The following SEMA3A variants were observed in gnomAD, a reference collection of about 807,000 sequenced individuals.
SEMA3A encodes the protein semaphorin-3A.
In SEMA3A, 29 loss-of-function variants were observed where a neutral mutation model predicts 97.9. The observed-to-expected ratio is 0.30, with a 90% CI of 0.22 to 0.40. SEMA3A has a LOEUF of 0.40. SEMA3A is among the 10% of genes least tolerant of loss of function. The probability of loss-of-function intolerance (pLI) is 1.00; values close to 1 mark genes in which losing one functional copy is unlikely to be tolerated. For synonymous variants in SEMA3A, 321 were observed against 323.7 expected (o/e 0.99, Z 0.09); for missense variants, 763 against 951.3 (o/e 0.80, Z 2.60).
At chr7:84,043,648 G>T (rs888465036) in intron 6 of SEMA3A, among the ~76,000 whole-genome samples, 1 of 151,986 alleles carries the variant, frequency 6.6e-6, no homozygotes, top group Admixed American at 6.6e-5. Flanking sequence ...ATTCTGTAAT[G>T]GTATTTAATT....
intron 1 of SEMA3A, among the ~76,000 whole-genome samples, chr7:84,488,317 T>TACACACACACACACAC (rs67659986): frequency 8.2e-5 from 12 of 145,672 alleles, no homozygotes; most frequent in African/African-American, 2.6e-4. Context: ...TCTTCGTATA[T>TACACACACACACACAC]ACACACACAC....
intron 2 of SEMA3A, among the ~76,000 whole-genome samples, chr7:84,323,481 C>T (rs1801701626): frequency 6.6e-6 from 1 of 152,016 alleles, no homozygotes; most frequent in Non-Finnish European, 1.5e-5. Context: ...AAACACTTCT[C>T]TGATGAAGAG....
chr7:84,282,602 A>G (rs1469398767), intron 3 of SEMA3A, among the ~76,000 whole-genome samples: 1 of 152,134 alleles, frequency 6.6e-6, no homozygotes, highest in East Asian at 1.9e-4. Context: ...ACGTTAAGCC[A>G]GTGATTTCTA....
intron 1 of SEMA3A, among the ~76,000 whole-genome samples, chr7:84,490,190 C>T (rs893883839): frequency 4.6e-5 from 6 of 129,112 alleles, no homozygotes; most frequent in Admixed American, 3.2e-4. Context: ...AACCACAATG[C>T]TTTTCCAGCA....
chr7:84,005,037 C>T (rs2116395963), intron 11 of SEMA3A, among the ~76,000 whole-genome samples: 1 of 152,240 alleles, frequency 6.6e-6, no homozygotes, highest in South Asian at 2.1e-4. Flanking sequence ...AATATATTTT[C>T]TCTTCCCTAT....
intron 1 of SEMA3A, among the ~76,000 whole-genome samples, chr7:84,397,134 C>T (rs1380029602): frequency 6.6e-6 from 1 of 151,720 alleles, no homozygotes; most frequent in African/African-American, 2.4e-5. Flanking sequence ...GTTGAAAATT[C>T]GGAATTTCAA....
chr7:84,276,906 A>G (rs1473269301), intron 3 of SEMA3A, among the ~76,000 whole-genome samples: 6 of 152,280 alleles, frequency 3.9e-5, no homozygotes, highest in South Asian at 2.1e-4. Flanking sequence ...CGAAACTTAA[A>G]TAGTTCAGAC....
At chr7:84,023,843 T>C (rs1295365742) in intron 6 of SEMA3A, among the ~76,000 whole-genome samples, 3 of 151,956 alleles carry the variant, frequency 2.0e-5, no homozygotes, top group Non-Finnish European at 2.9e-5. Flanking sequence ...ACCCCGTCTC[T>C]ACTAAAAAAT....
At chr7:84,303,010 CA>C (rs1801060228) in intron 3 of SEMA3A, among the ~76,000 whole-genome samples, 2 of 152,050 alleles carry the variant, frequency 1.3e-5, no homozygotes, top group African/African-American at 4.8e-5. Context: ...AATTAGCCAG[CA>C]AAATAAATAG....
chr7:84,103,484 A>G (rs1795016187), intron 4 of SEMA3A, among the ~76,000 whole-genome samples: 1 of 152,190 alleles, frequency 6.6e-6, no homozygotes, highest in Admixed American at 6.5e-5. Context: ...TTAATATCAG[A>G]ATAAATCATC....
intron 2 of SEMA3A, among the ~76,000 whole-genome samples, chr7:84,326,066 A>G (rs1420072773): frequency 6.6e-6 from 1 of 152,100 alleles, no homozygotes; most frequent in East Asian, 1.9e-4. Flanking sequence ...TCCATGTTAT[A>G]AAAATTGGCA....
intron 15 of SEMA3A, among the ~76,000 whole-genome samples, chr7:83,966,691 A>G (rs1788707013): frequency 6.8e-6 from 1 of 147,394 alleles, no homozygotes; most frequent in Non-Finnish European, 1.5e-5. Context: ...GCGATCAGCA[A>G]TAATTATTAA....
At chr7:84,103,274 C>A (rs544319530) in intron 4 of SEMA3A, among the ~76,000 whole-genome samples, 368 of 152,136 alleles carry the variant, frequency 2.4e-3, no homozygotes, top group Non-Finnish European at 3.9e-3. Context: ...CCTTAGTTGG[C>A]AGAATATAGC....
At chr7:84,075,640 A>T (rs1186674450) in intron 4 of SEMA3A, among the ~76,000 whole-genome samples, 3 of 151,852 alleles carry the variant, frequency 2.0e-5, no homozygotes, top group Admixed American at 6.6e-5. Context: ...TAGTTTCAGT[A>T]GAGAAGGTGT....
intron 3 of SEMA3A, among the ~76,000 whole-genome samples, chr7:84,115,175 A>C (rs911622845): frequency 2.6e-5 from 4 of 152,262 alleles, no homozygotes; most frequent in Admixed American, 1.3e-4. Context: ...ATGTAGGCAT[A>C]TTCATAATAA....
intron 1 of SEMA3A, among the ~76,000 whole-genome samples, chr7:84,150,478 CG>C (rs1300457578): frequency 6.6e-6 from 1 of 152,192 alleles, no homozygotes; most frequent in Non-Finnish European, 1.5e-5. Flanking sequence ...AAAGGGGTGA[CG>C]GACGGCACCT....
intron 9 of SEMA3A, among the ~76,000 whole-genome samples, chr7:84,007,707 A>G (rs1790723928): frequency 6.6e-6 from 1 of 152,232 alleles, no homozygotes; most frequent in Admixed American, 6.5e-5. Flanking sequence ...AATAGAAGGC[A>G]TAGGTGAAAA....
chr7:84,029,882 A>T (rs1184819713), intron 6 of SEMA3A, among the ~76,000 whole-genome samples: 4 of 152,068 alleles, frequency 2.6e-5, no homozygotes, highest in African/African-American at 9.7e-5. Context: ...GATTACATTT[A>T]AAGACACGAA....
chr7:84,387,868 T>A (rs1174923804), intron 1 of SEMA3A, among the ~76,000 whole-genome samples: 1 of 152,136 alleles, frequency 6.6e-6, no homozygotes, highest in Non-Finnish European at 1.5e-5. Context: ...ACAGGCATGT[T>A]TACAATCATT....
Sources: gnomAD v4.1 joint callset for allele counts (sites outside exome capture counted in the v4.1 genomes callset) on GRCh38, gnomAD v4.1.1 for gene constraint, MANE v1.5 for transcripts, NCBI Gene and HGNC (gene_info 2026-07-23, HGNC 2026-07-21) for gene names.